The following DPCD variants were observed in gnomAD, a reference collection of about 807,000 sequenced individuals.
The protein encoded by DPCD is protein DPCD.
In DPCD, 20 loss-of-function variants were observed where a neutral mutation model predicts 26.4. That is an observed-to-expected ratio of 0.76 (90% CI 0.53 to 1.10). The LOEUF (loss-of-function observed/expected upper bound fraction) is 1.10. Ranked by LOEUF, DPCD falls within the 50% of genes least tolerant of loss-of-function variation. The probability of loss-of-function intolerance (pLI) is 0.00; values close to 1 mark genes in which losing one functional copy is unlikely to be tolerated. For synonymous variants in DPCD, 97 were observed against 94.2 expected, an observed-to-expected ratio of 1.03 and a Z score of -0.17; for missense variants, 202 against 253.9, an observed-to-expected ratio of 0.80 and a Z score of 1.39.
chr10:101,602,117 G>T (rs2063702804), intron 4 of DPCD, among the ~76,000 whole-genome samples: 1 of 152,256 alleles, frequency 6.6e-6, no homozygotes, highest in African/African-American at 2.4e-5. Flanking sequence ...GGGCTAGAGA[G>T]AATACAGTCT....
At position 101,609,581 on chromosome 10, in the gene DPCD, T is replaced by C; in HGVS notation, c.*110T>C. 2 of 918,662 alleles carry C rather than the reference T, an allele frequency of 2.2e-6. No individual in the cohort carries two copies. The highest frequency in any genetic ancestry group is 1.6e-5 in the South Asian group (1 of 61,290). 56.9% of individuals were successfully genotyped at this position (918,662 alleles called of 1,614,324 possible). On this transcript the variant is annotated 3_prime_UTR_variant, in exon 6 of 6. Coordinates refer to ENST00000370151, the MANE Select transcript of DPCD (RefSeq NM_015448.3). The stretch of plus-strand genomic sequence containing the variant: ...TCTTCTAGGAGCTATCAAGGGTCTC[T>C]AAGAACTGGGCATGGGGCACTCCTA...
At chr10:101,597,727 T>A (rs1465888824) in intron 2 of DPCD, among the ~76,000 whole-genome samples, 2 of 152,190 alleles carry the variant, frequency 1.3e-5, no homozygotes, top group African/African-American at 4.8e-5. Context: ...GTTTAACATA[T>A]AATCAAATCA....
At chr10:101,608,084 G>C (rs950403482) in intron 4 of DPCD, among the ~76,000 whole-genome samples, 3 of 152,154 alleles carry the variant, frequency 2.0e-5, no homozygotes, top group Admixed American at 6.6e-5. Context: ...TACAGACTGG[G>C]TGTTGCCATC....
chr10:101,590,077 A>G (rs952128038), intron 1 of DPCD, among the ~76,000 whole-genome samples: 2 of 151,964 alleles, frequency 1.3e-5, no homozygotes, highest in African/African-American at 2.4e-5. Flanking sequence ...AAAAAAAAAA[A>G]AAAAGAATTA....
At chr10:101,599,036 C>T (rs1173298268) in intron 2 of DPCD, among the ~76,000 whole-genome samples, 1 of 152,158 alleles carries the variant, frequency 6.6e-6, no homozygotes, top group East Asian at 1.9e-4. Flanking sequence ...ACTAAATGGT[C>T]CCAAGTGTTT....
intron 4 of DPCD, among the ~76,000 whole-genome samples, chr10:101,607,764 C>T (rs1363078963): frequency 6.6e-6 from 1 of 152,182 alleles, no homozygotes; most frequent in Non-Finnish European, 1.5e-5. Context: ...CCTTCACAGC[C>T]CATACAACCT....
intron 2 of DPCD, among the ~76,000 whole-genome samples, chr10:101,595,433 G>A (rs1473803567): frequency 6.6e-6 from 1 of 152,200 alleles, no homozygotes; most frequent in Non-Finnish European, 1.5e-5. Flanking sequence ...GCCCAAGGCT[G>A]TCAGCAGTGG....
intron 2 of DPCD, among the ~76,000 whole-genome samples, chr10:101,595,941 A>G (rs1226961238): frequency 6.6e-6 from 1 of 152,198 alleles, no homozygotes; most frequent in Admixed American, 6.5e-5. Context: ...AGCCACCACC[A>G]TAACCAGGCC....
At chr10:101,596,877 C>G (rs1279506801) in intron 2 of DPCD, among the ~76,000 whole-genome samples, 1 of 152,172 alleles carries the variant, frequency 6.6e-6, no homozygotes, top group Non-Finnish European at 1.5e-5. Context: ...ATTAGCCAAA[C>G]CAGTTTTCTG....
Position 101,598,611 on chromosome 10 carries a change from CTTTTTTTTTTTTTTTTTTTT to C in DPCD, c.146-2116_146-2097del, listed in dbSNP as rs71016333. Among the ~76,000 whole-genome samples the C allele has an allele frequency of 1.5e-4, 11 of 74,980 alleles. 1 individual carries two copies. The highest frequency in any genetic ancestry group is 5.3e-4 in the African/African-American group (10 of 18,758). The allele number at this position is 74,980 out of a possible 152,430, so 49.2% of individuals were successfully genotyped here. ...AATACAGACATTGGGTAGATGCTTT[CTTTTTTTTTTTTTTTTTTTT>C]TTTTTTTTTTGAGACGGAGTTTCAC... On this transcript the variant is annotated intron_variant, in intron 2 of 5. Coordinates refer to ENST00000370151, the MANE Select transcript of DPCD (RefSeq NM_015448.3).
At chr10:101,590,582 CTTTT>C (rs763711189) in intron 1 of DPCD, among the ~76,000 whole-genome samples, 2 of 121,562 alleles carry the variant, frequency 1.6e-5, no homozygotes, top group Non-Finnish European at 3.6e-5. Context: ...AACGGAAATT[CTTTT>C]TTTTTTTTTT....
chr10:101,601,248 AT>A lies in DPCD; in HGVS notation c.318del (p.Arg107GlufsTer39). ...KDTKMSFQWR[I>X]RNLPYPKDVY... ...CACCAAGATGAGTTTCCAGTGGCGG[AT>A]TCGAAACCTCCCCTATCCTAAGGAT... On this transcript the variant is annotated frameshift_variant, in exon 4 of 6. Coordinates refer to ENST00000370151, the MANE Select transcript of DPCD (RefSeq NM_015448.3). LOFTEE classifies it high-confidence loss of function. 1 of 1,613,688 alleles carries A rather than the reference AT, an allele frequency of 6.2e-7. No homozygotes were observed. The highest frequency in any genetic ancestry group is 8.5e-7 in the Non-Finnish European group (1 of 1,179,882).
rs775330920 is a variant in DPCD, at chr10:101,601,285, T to C, written c.353T>C (p.Val118Ala). The C allele has an allele frequency of 1.2e-6, 2 of 1,613,808 alleles. No individual in the cohort carries two copies. Among genetic ancestry groups the C allele is most frequent in the Admixed American group, 3.3e-5 (2 of 60,012 alleles). The change falls in exon 4 of 6, where the codon GTC becomes GCC. Residue 118 changes from valine to alanine, a missense_variant. Val to Ala is a moderately conservative substitution (Grantham distance 64). Coordinates refer to ENST00000370151, the MANE Select transcript of DPCD (RefSeq NM_015448.3). ...CCCTATCCTAAGGATGTCTATAGTG[T>C]CTCTGTGGACCAGAAGGAGCGCTGC... ...NLPYPKDVYSVSVDQKERCII... is the reference protein window; with the variant it reads ...NLPYPKDVYSASVDQKERCII...
At chr10:101,595,680 C>T (rs2063646383) in intron 2 of DPCD, among the ~76,000 whole-genome samples, 1 of 152,146 alleles carries the variant, frequency 6.6e-6, no homozygotes. Context: ...AAATGTTTGT[C>T]CTGCGCATGT....
chr10:101,607,411 C>A (rs542302761), intron 4 of DPCD, among the ~76,000 whole-genome samples: 1 of 152,240 alleles, frequency 6.6e-6, no homozygotes, highest in East Asian at 1.9e-4. Flanking sequence ...AATAAAGCAA[C>A]TTGCAATGCC....
chr10:101,595,651 C>T (rs2063646088), intron 2 of DPCD, among the ~76,000 whole-genome samples: 1 of 152,142 alleles, frequency 6.6e-6, no homozygotes, highest in African/African-American at 2.4e-5. Flanking sequence ...GGCTTGCATT[C>T]CCTCAGTCTC....
chr10:101,589,271 G>A (rs1375933966), intron 1 of DPCD, among the ~76,000 whole-genome samples: 1 of 152,238 alleles, frequency 6.6e-6, no homozygotes, highest in South Asian at 2.1e-4. Context: ...AACTAGAACA[G>A]AAAGAAAAAG....
At chr10:101,596,065 C>T (rs1438292379) in intron 2 of DPCD, among the ~76,000 whole-genome samples, 2 of 152,180 alleles carry the variant, frequency 1.3e-5, no homozygotes, top group Admixed American at 1.3e-4. Context: ...ACAAATAAAA[C>T]CCAGGCCTCT....
In DPCD at chr10:101,603,940, C is replaced by T. The variant is rs754861341; in HGVS notation, c.404+2604C>T. Reference sequence around the variant, plus strand: ...GCCAAGTTTAAACAATTTTTTATAGCGTTGAGGGTCTCTCCATTTTGCCCA... The same window carrying T: ...GCCAAGTTTAAACAATTTTTTATAGTGTTGAGGGTCTCTCCATTTTGCCCA... On this transcript the variant is annotated intron_variant, in intron 4 of 5. Transcript: ENST00000370151. This position sits in a 1 kb window ranked among gnomAD's most constrained non-coding sequence, Gnocchi z 4.6. Among the ~76,000 whole-genome samples the T allele has an allele frequency of 2.1e-4, 32 of 152,046 alleles. No individual in the cohort carries two copies. Among genetic ancestry groups the T allele is most frequent in the Admixed American group, 7.2e-4 (11 of 15,270 alleles).
Sources: gnomAD v4.1 joint callset for allele counts (sites outside exome capture counted in the v4.1 genomes callset) on GRCh38, gnomAD v4.1.1 for gene constraint, Gnocchi (gnomAD v3.1) non-coding constraint, MANE v1.5 for transcripts, NCBI Gene and HGNC (gene_info 2026-07-23, HGNC 2026-07-21) for gene names.